The following PBX1 variants were observed in gnomAD, a reference collection of about 807,000 sequenced individuals.
PBX1 encodes the protein PBX homeobox 1.
In PBX1, 6 loss-of-function variants were observed where a neutral mutation model predicts 53.4. The observed-to-expected ratio is 0.11, with a 90% confidence interval of 0.06 to 0.22. PBX1 has a LOEUF of 0.22. PBX1 is among the 10% of genes least tolerant of loss of function. The pLI is 1.00. For synonymous variants in PBX1, 204 were observed against 212.3 expected (o/e 0.96, Z 0.34); for missense variants, 251 against 551.4 (o/e 0.46, Z 5.46).
intron 7 of PBX1, among the ~76,000 whole-genome samples, chr1:164,821,013 T>C (rs548765206): frequency 1.3e-5 from 2 of 152,324 alleles, no homozygotes; most frequent in South Asian, 2.1e-4. Context: ...TTTGAAGTGA[T>C]ATGGTCAGGC....
At chr1:164,723,343 A>G (rs979781004) in intron 2 of PBX1, among the ~76,000 whole-genome samples, 2 of 152,136 alleles carry the variant, frequency 1.3e-5, no homozygotes, top group African/African-American at 4.8e-5. Flanking sequence ...GCTCCACTCT[A>G]CCTGCTAAGC....
intron 2 of PBX1, among the ~76,000 whole-genome samples, chr1:164,589,363 G>A (rs548293405): frequency 1.4e-4 from 22 of 152,140 alleles, no homozygotes; most frequent in African/African-American, 4.8e-4. Flanking sequence ...GAGAGGGGGC[G>A]GGGAGAGGGA....
intron 8 of PBX1, among the ~76,000 whole-genome samples, chr1:164,827,964 G>A (rs1045214780): frequency 3.3e-5 from 5 of 152,142 alleles, no homozygotes; most frequent in Non-Finnish European, 7.3e-5. Context: ...CACTTTGTCT[G>A]GGATTGAATT....
At position 164,847,476 on chromosome 1, in the gene PBX1, T is replaced by C. The variant is rs747856055; in HGVS notation, c.*800T>C. On this transcript the variant is annotated 3_prime_UTR_variant, in exon 9 of 9. Transcript: ENST00000420696. ...AGCTCTCAGTTTCAGAGGCACAGTCTTTGGAGACCATTCAGCACTGAGAAA... is the reference window on the plus strand; with the variant it reads ...AGCTCTCAGTTTCAGAGGCACAGTCCTTGGAGACCATTCAGCACTGAGAAA... 4.5e-5 allele frequency: 48 copies of C among 1,062,966 alleles called. No homozygotes were observed. Among genetic ancestry groups the C allele is most frequent in the Non-Finnish European group, 5.2e-5 (46 of 877,804 alleles). The allele number at this position is 1,062,966 out of a possible 1,614,324, so 65.8% of individuals were successfully genotyped here.
chr1:164,693,476 G>A (rs1478111134), intron 2 of PBX1, among the ~76,000 whole-genome samples: 4 of 152,200 alleles, frequency 2.6e-5, no homozygotes, highest in African/African-American at 4.8e-5. Context: ...CATGCTTTAG[G>A]TAGGGTCCCC....
At chr1:164,768,459 C>T (rs1280581499) in intron 2 of PBX1, among the ~76,000 whole-genome samples, 1 of 152,226 alleles carries the variant, frequency 6.6e-6, no homozygotes, top group Non-Finnish European at 1.5e-5. Context: ...CTACTATTAA[C>T]ATTCTCTGGG....
chr1:164,688,603 T>A (rs961177857), intron 2 of PBX1, among the ~76,000 whole-genome samples: 9 of 152,140 alleles, frequency 5.9e-5, no homozygotes, highest in African/African-American at 1.7e-4. Context: ...ATGCCATACC[T>A]AACCCCACTC....
At chr1:164,831,604 T>A (rs1000886024) in intron 8 of PBX1, 1 of 152,140 alleles carries the variant, frequency 6.6e-6, no homozygotes, top group Non-Finnish European at 1.5e-5. Context: ...TTAGCCAGGA[T>A]GGTCTCGATC....
intron 6 of PBX1, chr1:164,815,321 T>C (rs1286319638): frequency 1.3e-5 from 2 of 152,242 alleles, no homozygotes; most frequent in Non-Finnish European, 2.9e-5. Context: ...CATTCTGTGA[T>C]TAGATCAGTG....
In PBX1 at chr1:164,603,929, A is replaced by ATTTTTTTTTTTTTTTTTTTTTT. The variant is rs71583414; in HGVS notation, c.265+40630_265+40651dup. On this transcript the variant is annotated intron_variant, in intron 2 of 8. Coordinates refer to ENST00000420696, the MANE Select transcript of PBX1 (RefSeq NM_002585.4). ...GACACTCTGTACATTATGTCATTTC[A>ATTTTTTTTTTTTTTTTTTTTTT]TTTTTTTTTTTTTTTTTTTTTTTTT... 4.5e-4 allele frequency among the ~76,000 whole-genome samples: 34 copies of ATTTTTTTTTTTTTTTTTTTTTT among 75,758 alleles called. 9 individuals carry two copies. Among genetic ancestry groups the ATTTTTTTTTTTTTTTTTTTTTT allele is most frequent in the Non-Finnish European group, 5.6e-4 (25 of 44,404 alleles). The allele number at this position is 75,758 out of a possible 152,430, so 49.7% of individuals were successfully genotyped here.
intron 2 of PBX1, among the ~76,000 whole-genome samples, chr1:164,760,492 T>A (rs1035894798): frequency 4.0e-5 from 6 of 151,838 alleles, no homozygotes; most frequent in African/African-American, 1.5e-4. Context: ...TCGGATTTTT[T>A]AAAACATATT....
At chr1:164,615,825 G>A (rs987719419) in intron 2 of PBX1, among the ~76,000 whole-genome samples, 8 of 152,158 alleles carry the variant, frequency 5.3e-5, no homozygotes, top group African/African-American at 1.9e-4. Flanking sequence ...AGTAGAAGGA[G>A]CCAGAGGGAG....
chr1:164,846,504 A>G (rs2102420173), intron 8 of PBX1, 80 bp from the exon 9 acceptor site: 1 of 1,206,754 alleles, frequency 8.3e-7, no homozygotes, highest in East Asian at 2.3e-5. Flanking sequence ...TCCTTTACAC[A>G]AGATGCCTCA....
At chr1:164,879,802 A>G (rs1022617633) in intron 2 of PBX1, among the ~76,000 whole-genome samples, 2 of 152,328 alleles carry the variant, frequency 1.3e-5, no homozygotes, top group Admixed American at 6.5e-5. Context: ...TTAACAATAC[A>G]TCATTTATTC....
Position 164,782,449 on chromosome 1 carries a change from G to A in PBX1, c.266-10045G>A, listed in dbSNP as rs550769202. ...TATCATATTATCAGTGGTAGGTCTCGTCTCCTGTGATCTGTAGAACTGGAA... is the reference window on the plus strand; with the variant it reads ...TATCATATTATCAGTGGTAGGTCTCATCTCCTGTGATCTGTAGAACTGGAA... On this transcript the variant is annotated intron_variant, in intron 2 of 8. Transcript: ENST00000420696. Among the ~76,000 whole-genome samples, 4 of 152,268 alleles carry A rather than the reference G, an allele frequency of 2.6e-5. No individual in the cohort carries two copies. In the East Asian group the frequency reaches 5.8e-4, roughly 22 times the overall value.
intron 2 of PBX1, among the ~76,000 whole-genome samples, chr1:164,728,318 C>CAAA (rs1212181485): frequency 1.1e-5 from 1 of 91,252 alleles, no homozygotes; most frequent in African/African-American, 4.0e-5. Flanking sequence ...CTTGTCTTAA[C>CAAA]AAAAAAAAAA....
intron 2 of PBX1, among the ~76,000 whole-genome samples, chr1:164,885,468 C>A (rs533867275): frequency 1.3e-5 from 2 of 152,306 alleles, no homozygotes; most frequent in South Asian, 4.1e-4. Flanking sequence ...TTCATCCCAG[C>A]AAGTTGCTTC....
At chr1:164,600,400 C>T (rs1010023369) in intron 2 of PBX1, among the ~76,000 whole-genome samples, 1 of 151,936 alleles carries the variant, frequency 6.6e-6, no homozygotes, top group Non-Finnish European at 1.5e-5. Flanking sequence ...TACAGGTGCC[C>T]GCCACCATCG....
chr1:164,835,121 A>T (rs1043448483), intron 8 of PBX1, among the ~76,000 whole-genome samples: 1 of 152,162 alleles, frequency 6.6e-6, no homozygotes, highest in Non-Finnish European at 1.5e-5. Flanking sequence ...TTTCCATATC[A>T]TTAAACATTC....
Sources: gnomAD v4.1 joint callset for allele counts (sites outside exome capture counted in the v4.1 genomes callset) on GRCh38, gnomAD v4.1.1 for gene constraint, MANE v1.5 for transcripts, NCBI Gene and HGNC (gene_info 2026-07-23, HGNC 2026-07-21) for gene names.